MBD5: variants seen among roughly 807,000 people sequenced by gnomAD.
MBD5 encodes the protein methyl-CpG binding domain protein 5, also known as methyl-CpG-binding domain protein 5.
Under a neutral mutation model 117.3 loss-of-function variants are expected in MBD5, and 13 were observed. That is an observed-to-expected ratio of 0.11 (90% CI 0.07 to 0.18). The LOEUF (loss-of-function observed/expected upper bound fraction) is 0.18, where lower values mean the gene tolerates loss of function less well. Among genes scored for constraint, MBD5 ranks in the 10% least tolerant of loss-of-function variants. The pLI is 1.00. For synonymous variants in MBD5, 727 were observed against 766.4 expected (o/e 0.95, Z 0.85); for missense variants, 1,879 against 2,093.8 (o/e 0.90, Z 2.00).
At chr2:148,447,654 CT>C (rs1372152589) in intron 4 of MBD5, 2 of 152,144 alleles carry the variant, frequency 1.3e-5, no homozygotes, top group Admixed American at 6.6e-5. Context: ...CAAATCCTTT[CT>C]GGAGGAGCAG....
chr2:148,292,199 G>A (rs1206772410), intron 3 of MBD5, among the ~76,000 whole-genome samples: 1 of 152,104 alleles, frequency 6.6e-6, no homozygotes, highest in Non-Finnish European at 1.5e-5. Flanking sequence ...GGCAGCCAAA[G>A]CAAAAATGGA....
intron 4 of MBD5, among the ~76,000 whole-genome samples, chr2:148,430,307 G>C (rs1705943401): frequency 6.6e-6 from 1 of 152,144 alleles, no homozygotes; most frequent in African/African-American, 2.4e-5. Context: ...GGAAGTAACT[G>C]TCACTAAGTC....
At chr2:148,381,018 G>GA (rs1484883944) in intron 4 of MBD5, among the ~76,000 whole-genome samples, 1 of 152,042 alleles carries the variant, frequency 6.6e-6, no homozygotes, top group African/African-American at 2.4e-5. Context: ...CAAAGATGGG[G>GA]AAAAAACAGA....
intron 3 of MBD5, among the ~76,000 whole-genome samples, chr2:148,268,714 AC>A (rs770730526): frequency 2.2e-4 from 34 of 151,668 alleles, no homozygotes; most frequent in Non-Finnish European, 4.7e-4. Flanking sequence ...TTATAAAAAA[AC>A]TTGAGTCATT....
At chr2:148,058,896 G>A (rs1344820160) in intron 1 of MBD5, among the ~76,000 whole-genome samples, 2 of 152,132 alleles carry the variant, frequency 1.3e-5, no homozygotes, top group African/African-American at 4.8e-5. Context: ...CCTTATATGA[G>A]CTTGGTCAGA....
intron 1 of MBD5, among the ~76,000 whole-genome samples, chr2:148,165,950 A>C (rs779595044): frequency 6.6e-6 from 1 of 152,180 alleles, no homozygotes; most frequent in South Asian, 2.1e-4. Flanking sequence ...GTTCATTATA[A>C]ACAGAGAAGA....
At chr2:148,208,716 T>C (rs1003704990) in intron 2 of MBD5, among the ~76,000 whole-genome samples, 1 of 151,792 alleles carries the variant, frequency 6.6e-6, no homozygotes, top group African/African-American at 2.4e-5. Context: ...ATTATTTTTA[T>C]AGATTACTTT....
chr2:148,322,342 A>G (rs748496497), intron 3 of MBD5, among the ~76,000 whole-genome samples: 15 of 152,220 alleles, frequency 9.9e-5, no homozygotes, highest in Non-Finnish European at 1.6e-4. Context: ...AACAGCTTGT[A>G]AGTGCCTTGA....
chr2:148,367,090 A>G, intron 4 of MBD5, among the ~76,000 whole-genome samples: 1 of 152,216 alleles, frequency 6.6e-6, no homozygotes. Context: ...CTACAAGGCT[A>G]CAGTAATGAA....
At chr2:148,345,546 CACAT>C (rs1316354822) in intron 4 of MBD5, among the ~76,000 whole-genome samples, 1 of 86,498 alleles carries the variant, frequency 1.2e-5, no homozygotes, top group African/African-American at 5.3e-5. Context: ...TACACATATA[CACAT>C]ACATATGTAT....
intron 4 of MBD5, among the ~76,000 whole-genome samples, chr2:148,356,532 A>G (rs1477476700): frequency 6.6e-6 from 1 of 152,166 alleles, no homozygotes; most frequent in Non-Finnish European, 1.5e-5. Flanking sequence ...CTGTATTCCT[A>G]GTAGCTAAAA....
chr2:148,293,619 A>G (rs996931100), intron 3 of MBD5, among the ~76,000 whole-genome samples: 2 of 151,924 alleles, frequency 1.3e-5, no homozygotes, highest in Non-Finnish European at 2.9e-5. Flanking sequence ...CTTTTATTTC[A>G]TTTTCTTGTC....
At chr2:148,175,199 A>C (rs529427955) in intron 1 of MBD5, among the ~76,000 whole-genome samples, 1 of 152,324 alleles carries the variant, frequency 6.6e-6, no homozygotes, top group East Asian at 1.9e-4. Flanking sequence ...TTCATAAATC[A>C]TAACTTCACT....
chr2:148,179,669 A>G (rs1698475495), intron 2 of MBD5, among the ~76,000 whole-genome samples: 1 of 152,170 alleles, frequency 6.6e-6, no homozygotes, highest in Non-Finnish European at 1.5e-5. Context: ...ATGACTGCTT[A>G]CATACTTAAC....
intron 3 of MBD5, among the ~76,000 whole-genome samples, chr2:148,304,737 A>C (rs1701850062): frequency 6.6e-6 from 1 of 152,176 alleles, no homozygotes. Flanking sequence ...AGAGGCAAGG[A>C]GAATTCTGGC....
intron 1 of MBD5, among the ~76,000 whole-genome samples, chr2:148,162,525 T>C (rs1028705431): frequency 1.3e-5 from 2 of 152,234 alleles, no homozygotes; most frequent in African/African-American, 2.4e-5. Context: ...TTTGAATTTA[T>C]TTGAGATTTA....
chr2:148,490,967 G>A (rs112969279), intron 11 of MBD5, among the ~76,000 whole-genome samples: 3,490 of 152,318 alleles, frequency 0.023, 51 homozygotes, highest in Non-Finnish European at 0.034. Flanking sequence ...GTAGCCTTTG[G>A]AGGTCCAGGA....
rs183855993 is a variant in MBD5, at chr2:148,257,531, C to T, written c.-680+24136C>T. On this transcript the variant is annotated intron_variant, in intron 3 of 13. Transcript: ENST00000642680. The stretch of plus-strand genomic sequence containing the variant: ...ACTCCCAAGAATTTGACAAATGAAG[C>T]AGGCCCTTGGACCTTAGATTTGTTG... Among the ~76,000 whole-genome samples the T allele has an allele frequency of 3.0e-3, 456 of 152,314 alleles. 5 individuals are homozygous for T. The highest frequency in any genetic ancestry group is 0.01 in the African/African-American group (432 of 41,560).
At position 148,065,750 on chromosome 2, in the gene MBD5, G is replaced by A. The variant is rs187777073; in HGVS notation, c.-925+44066G>A. On this transcript the variant is annotated intron_variant, in intron 1 of 13. Transcript: ENST00000642680. ...GAAGTTTGATATTCTGTGAATTATA[G>A]ACTTTTCAGTAGGAAACACTTAAAC... is the stretch of plus-strand genomic sequence containing the variant. 2.1e-3 allele frequency among the ~76,000 whole-genome samples: 315 copies of A among 152,250 alleles called. 2 individuals are homozygous for A. The highest frequency in any genetic ancestry group is 3.5e-3 in the Non-Finnish European group (235 of 68,000).
Sources: gnomAD v4.1 joint callset for allele counts (sites outside exome capture counted in the v4.1 genomes callset) on GRCh38, gnomAD v4.1.1 for gene constraint, MANE v1.5 for transcripts, NCBI Gene and HGNC (gene_info 2026-07-23, HGNC 2026-07-21) for gene names.